Variants in SPAG16 observed in about 807,000 individuals in gnomAD.
SPAG16 encodes the protein sperm associated antigen 16.
SPAG16 carries 86 observed loss-of-function variants against 80.4 expected under a neutral mutation model. That is an observed-to-expected ratio of 1.07 (90% CI 0.90 to 1.28). The LOEUF is 1.28. Among genes scored for constraint, SPAG16 ranks in the 50% most tolerant of loss-of-function variants. The pLI is 0.00. For missense variants in SPAG16, 870 were observed against 765.3 expected (o/e 1.14, Z -1.61); for synonymous variants, 294 against 265.9 (o/e 1.11, Z -1.03).
chr2:214,313,339 A>T (rs1235976160), intron 15 of SPAG16, among the ~76,000 whole-genome samples: 1 of 152,134 alleles, frequency 6.6e-6, no homozygotes, highest in Non-Finnish European at 1.5e-5. Flanking sequence ...CTTTTCATTA[A>T]TTTTAAGGAC....
At chr2:214,168,694 C>T (rs1232222772) in intron 15 of SPAG16, among the ~76,000 whole-genome samples, 1 of 152,004 alleles carries the variant, frequency 6.6e-6, no homozygotes, top group Non-Finnish European at 1.5e-5. Flanking sequence ...CTGAAAGTTC[C>T]AGGAGGCAGA....
At chr2:213,360,860 C>T (rs376762765) in intron 7 of SPAG16, among the ~76,000 whole-genome samples, 1 of 152,096 alleles carries the variant, frequency 6.6e-6, no homozygotes, top group Non-Finnish European at 1.5e-5. Flanking sequence ...GATGCAGTTA[C>T]GCTTTGAGAA....
At chr2:213,468,367 A>ATC (rs983693708) in intron 9 of SPAG16, among the ~76,000 whole-genome samples, 2 of 144,604 alleles carry the variant, frequency 1.4e-5, no homozygotes. Context: ...ATATATATAT[A>ATC]TCTCTCTCTA....
intron 10 of SPAG16, among the ~76,000 whole-genome samples, chr2:213,701,306 G>A (rs2065405422): frequency 6.6e-6 from 1 of 152,186 alleles, no homozygotes; most frequent in Non-Finnish European, 1.5e-5. Context: ...AGTCTGTAAG[G>A]ACGTAGGAGT....
chr2:214,082,948 A>G (rs1056860524), intron 13 of SPAG16, among the ~76,000 whole-genome samples: 7 of 152,102 alleles, frequency 4.6e-5, no homozygotes, highest in Admixed American at 3.3e-4. Flanking sequence ...CATAATCACA[A>G]ACTCTGACAC....
intron 10 of SPAG16, among the ~76,000 whole-genome samples, chr2:213,773,478 T>A (rs2069379346): frequency 6.6e-6 from 1 of 152,210 alleles, no homozygotes; most frequent in Non-Finnish European, 1.5e-5. Flanking sequence ...TCAGATGACG[T>A]TTGCTCATGG....
intron 10 of SPAG16, among the ~76,000 whole-genome samples, chr2:213,655,981 A>G (rs1352986726): frequency 2.0e-5 from 3 of 152,214 alleles, no homozygotes; most frequent in Non-Finnish European, 4.4e-5. Flanking sequence ...GTGGGTTTTG[A>G]AACTAAATGT....
intron 10 of SPAG16, among the ~76,000 whole-genome samples, chr2:213,676,594 G>A (rs555912655): frequency 5.3e-5 from 8 of 152,128 alleles, no homozygotes; most frequent in African/African-American, 1.4e-4. Flanking sequence ...TAGCATGAAG[G>A]GTTGTTGAAT....
In SPAG16 at chr2:213,778,484, C is replaced by T. The variant is rs549955937; in HGVS notation, c.1071-84001C>T. On this transcript the variant is annotated intron_variant, in intron 10 of 15. Coordinates refer to ENST00000331683, the MANE Select transcript of SPAG16 (RefSeq NM_024532.5). ...GGGCAGTATGTAGTATGCTTTATTACGGACCATATCAACCCTAGTGCTTTC... is the reference window on the plus strand; with the variant it reads ...GGGCAGTATGTAGTATGCTTTATTATGGACCATATCAACCCTAGTGCTTTC... 3.3e-3 allele frequency among the ~76,000 whole-genome samples: 503 copies of T among 152,128 alleles called. 2 individuals are homozygous for T. The highest frequency in any genetic ancestry group is 0.011 in the African/African-American group (467 of 41,492).
chr2:213,576,784 A>T (rs2060141733), intron 10 of SPAG16, among the ~76,000 whole-genome samples: 1 of 152,110 alleles, frequency 6.6e-6, no homozygotes, highest in African/African-American at 2.4e-5. Context: ...AGTGGGAACT[A>T]AATGATAAGA....
chr2:214,187,450 A>G (rs1359177880), intron 15 of SPAG16, among the ~76,000 whole-genome samples: 1 of 152,128 alleles, frequency 6.6e-6, no homozygotes, highest in Non-Finnish European at 1.5e-5. Context: ...AAATCTAAGT[A>G]CTCATTCATC....
chr2:213,840,127 A>G (rs1015038422), intron 10 of SPAG16, among the ~76,000 whole-genome samples: 4 of 152,182 alleles, frequency 2.6e-5, no homozygotes, highest in African/African-American at 9.6e-5. Context: ...TAATCTTTTC[A>G]TACTTGGAAA....
At chr2:213,993,098 C>T (rs1253942300) in intron 12 of SPAG16, among the ~76,000 whole-genome samples, 1 of 152,168 alleles carries the variant, frequency 6.6e-6, no homozygotes. Flanking sequence ...TTCACTGTCT[C>T]ATTGAAACAG....
At position 213,352,171 on chromosome 2, in the gene SPAG16, T is replaced by TTTTTA. The variant is rs1213835473; in HGVS notation, c.762+1526_762+1527insTTTTA. On this transcript the variant is annotated intron_variant, in intron 7 of 15. Coordinates refer to ENST00000331683, the MANE Select transcript of SPAG16 (RefSeq NM_024532.5). ...TAAACCTCTAGTCTTTTTTTTTTTTTAATATATTTTTACCCTAAAACCTCT... is the reference window on the plus strand; with the variant it reads ...TAAACCTCTAGTCTTTTTTTTTTTTTTTTTAAATATATTTTTACCCTAAAACCTCT... Among the ~76,000 whole-genome samples, 165 of 151,764 alleles carry TTTTTA rather than the reference T, an allele frequency of 1.1e-3. 2 individuals are homozygous for TTTTTA. The highest frequency in any genetic ancestry group is 3.6e-3 in the African/African-American group (149 of 41,418).
chr2:213,398,056 G>A (rs1559089331), intron 9 of SPAG16, among the ~76,000 whole-genome samples: 2 of 151,716 alleles, frequency 1.3e-5, no homozygotes, highest in African/African-American at 2.4e-5. Flanking sequence ...TCCCTGAGAC[G>A]TCTCTCTCTC....
chr2:214,177,976 TA>T lies in SPAG16; in HGVS notation c.1720+28711del, dbSNP rs2057170720. On this transcript the variant is annotated intron_variant, in intron 15 of 15. Coordinates refer to ENST00000331683, the MANE Select transcript of SPAG16 (RefSeq NM_024532.5). The stretch of plus-strand genomic sequence containing the variant: ...TCTAACTTCACAAAGTGTATGTATA[TA>T]TATATATATATATATATATATATAT... Among the ~76,000 whole-genome samples the T allele has an allele frequency of 1.8e-4, 2 of 11,218 alleles. 1 individual carries two copies. Among genetic ancestry groups the T allele is most frequent in the Non-Finnish European group, 1.1e-3 (2 of 1,816 alleles). The allele number at this position is 11,218 out of a possible 152,430, so 7.4% of individuals were successfully genotyped here.
intron 15 of SPAG16, among the ~76,000 whole-genome samples, chr2:214,337,600 T>C (rs1290643372): frequency 2.0e-5 from 3 of 152,134 alleles, no homozygotes; most frequent in Non-Finnish European, 4.4e-5. Flanking sequence ...GAGAGAACAA[T>C]AAAACCAACA....
chr2:214,357,954 G>T (rs1178429268), intron 15 of SPAG16, among the ~76,000 whole-genome samples: 1 of 151,884 alleles, frequency 6.6e-6, no homozygotes, highest in Non-Finnish European at 1.5e-5. Context: ...TCTTAGGAAC[G>T]TGAGTTTATG....
At chr2:213,930,706 T>C (rs2106247841) in intron 12 of SPAG16, among the ~76,000 whole-genome samples, 1 of 152,358 alleles carries the variant, frequency 6.6e-6, no homozygotes, top group African/African-American at 2.4e-5. Flanking sequence ...TAATTCAAGG[T>C]AGACAAATTC....
Sources: gnomAD v4.1 joint callset for allele counts (sites outside exome capture counted in the v4.1 genomes callset) on GRCh38, gnomAD v4.1.1 for gene constraint, MANE v1.5 for transcripts, NCBI Gene and HGNC (gene_info 2026-07-23, HGNC 2026-07-21) for gene names.